TENM1: variants seen among roughly 807,000 people sequenced by gnomAD.
TENM1 encodes teneurin-1.
Under a neutral mutation model 174.8 loss-of-function variants are expected in TENM1, and 35 were observed. That is an observed-to-expected ratio of 0.20 (90% CI 0.15 to 0.27). The LOEUF (loss-of-function observed/expected upper bound fraction) is 0.27. Among genes scored for constraint, TENM1 ranks in the 10% least tolerant of loss-of-function variants. The probability of loss-of-function intolerance (pLI) is 1.00; values close to 1 mark genes in which losing one functional copy is unlikely to be tolerated. For missense variants in TENM1, 1,633 were observed against 2,130.1 expected (o/e 0.77, Z 4.59); for synonymous variants, 781 against 798.7 (o/e 0.98, Z 0.37).
chrX:125,181,186 G>T, the TENM1 span, among the ~76,000 whole-genome samples: 16 of 111,958 alleles, frequency 1.4e-4, no homozygotes, highest in African/African-American at 5.2e-4. Context: ...ACTCTGTGAG[G>T]TATAATTATT....
At chrX:124,478,672 A>C (rs1200121274) in intron 22 of TENM1, among the ~76,000 whole-genome samples, 1 of 111,958 alleles carries the variant, frequency 8.9e-6, no homozygotes, top group Non-Finnish European at 1.9e-5. Context: ...CCCTAGATGT[A>C]CATTTCCATT....
chrX:125,037,617 C>A, the TENM1 span, among the ~76,000 whole-genome samples: 5 of 110,942 alleles, frequency 4.5e-5, no homozygotes, highest in Admixed American at 9.7e-5. Flanking sequence ...GCTATTGTGC[C>A]AAAACGATCC....
At chrX:124,979,253 G>A in the TENM1 span, among the ~76,000 whole-genome samples, 1 of 111,535 alleles carries the variant, frequency 9.0e-6, no homozygotes, top group Non-Finnish European at 1.9e-5. Flanking sequence ...TTGGATTGTT[G>A]TAGGCCTTTG....
At chrX:124,406,466 G>T (rs2060464035) in exon 26 of TENM1, 3 of 1,203,699 alleles carry the variant, frequency 2.5e-6, no homozygotes, top group Admixed American at 2.2e-5. Context: ...CGTTGCATTG[G>T]TCAGGTGTCC....
chrX:125,121,504 C>A, the TENM1 span, among the ~76,000 whole-genome samples: 1 of 111,842 alleles, frequency 8.9e-6, no homozygotes, highest in African/African-American at 3.2e-5. Context: ...GTCCCATTTT[C>A]CAGTAGAAAA....
chrX:124,947,160 G>C, intron 1 of TENM1, among the ~76,000 whole-genome samples: 2 of 111,581 alleles, frequency 1.8e-5, no homozygotes, highest in Middle Eastern at 4.7e-3. Flanking sequence ...CATACACTTC[G>C]GTCTTGCACA....
chrX:124,385,955 G>C, exon 29 of TENM1: 1 of 1,210,825 alleles, frequency 8.3e-7, no homozygotes, highest in African/African-American at 1.7e-5. Context: ...TGAAAGCATG[G>C]TTTGTAAGCT....
At chrX:124,859,543 CAA>C (rs780835887) in intron 3 of TENM1, among the ~76,000 whole-genome samples, 11 of 44,533 alleles carry the variant, frequency 2.5e-4, no homozygotes, top group Admixed American at 2.8e-4. Context: ...GACCCTGTCT[CAA>C]AAAAAAAAAA....
At chrX:124,847,792 G>GATTACAA (rs2056638815) in intron 3 of TENM1, among the ~76,000 whole-genome samples, 1 of 111,688 alleles carries the variant, frequency 9.0e-6, no homozygotes, top group African/African-American at 3.2e-5. Context: ...TTAAGATTCT[G>GATTACAA]AGTAGGCTTT....
upstream of TENM1, among the ~76,000 whole-genome samples, chrX:124,965,583 G>T (rs1177251604): frequency 9.0e-6 from 1 of 111,406 alleles, no homozygotes. Flanking sequence ...ACACGTAGTA[G>T]AAACTATTTA....
At chrX:124,653,683 A>C (rs756744366) in exon 7 of TENM1, 2 of 1,208,459 alleles carry the variant, frequency 1.7e-6, no homozygotes, top group African/African-American at 3.5e-5. Context: ...GATGGTGGAT[A>C]GTAATCTGGA....
intron 6 of TENM1, among the ~76,000 whole-genome samples, chrX:124,669,008 G>T (rs755606934): frequency 3.8e-4 from 43 of 111,814 alleles, no homozygotes; most frequent in Non-Finnish European, 7.0e-4. Flanking sequence ...TGGTTTGAAA[G>T]CAGGTTCTAT....
intron 10 of TENM1, 110 bp downstream of exon 13, chrX:124,645,033 A>G (rs1468996181): frequency 2.7e-6 from 2 of 738,295 alleles, no homozygotes; most frequent in African/African-American, 4.2e-5. Context: ...GACGCTGAGC[A>G]TTTATTGTTT....
chrX:124,993,126 T>C, the TENM1 span, among the ~76,000 whole-genome samples: 1 of 111,053 alleles, frequency 9.0e-6, no homozygotes, highest in Non-Finnish European at 1.9e-5. Flanking sequence ...AACAATAATA[T>C]AGCATGGGAG....
At chrX:124,463,836 G>GGGGT (rs1251804415) in intron 22 of TENM1, among the ~76,000 whole-genome samples, 1 of 90,944 alleles carries the variant, frequency 1.1e-5, no homozygotes, top group Non-Finnish European at 2.2e-5. Flanking sequence ...TAGAGGTTGG[G>GGGGT]GTGTGTGTGT....
chrX:124,751,704 A>G (rs1453040247), intron 3 of TENM1, among the ~76,000 whole-genome samples: 9 of 87,244 alleles, frequency 1.0e-4, no homozygotes, highest in Admixed American at 4.8e-4. Context: ...ATGTGTTCTC[A>G]TTGTTCAATT....
chrX:125,173,514 T>C, the TENM1 span, among the ~76,000 whole-genome samples: 1 of 110,998 alleles, frequency 9.0e-6, no homozygotes, highest in Non-Finnish European at 1.9e-5. Flanking sequence ...CCATCAGTGT[T>C]AAAGCCTACA....
chrX:124,583,377 T>C (rs1383371176), intron 11 of TENM1, among the ~76,000 whole-genome samples: 4 of 111,682 alleles, frequency 3.6e-5, no homozygotes, highest in African/African-American at 1.3e-4. Context: ...TCACGGTTCA[T>C]GAAAATCCAC....
intron 3 of TENM1, among the ~76,000 whole-genome samples, chrX:124,783,784 T>C (rs2054973937): frequency 8.9e-6 from 1 of 111,946 alleles, no homozygotes; most frequent in Non-Finnish European, 1.9e-5. Context: ...GCAGAAATCT[T>C]GACAGAAAAC....
Sources: gnomAD v4.1 joint callset for allele counts (sites outside exome capture counted in the v4.1 genomes callset) on GRCh38, gnomAD v4.1.1 for gene constraint, MANE v1.5 for transcripts, NCBI Gene and HGNC (gene_info 2026-07-23, HGNC 2026-07-21) for gene names.